Variants in KAZN observed in about 807,000 individuals in gnomAD.
KAZN encodes the protein kazrin, periplakin interacting protein.
KAZN carries 40 observed loss-of-function variants against 87.4 expected under a neutral mutation model. The ratio of observed to expected loss-of-function variants is 0.46; its 90% CI spans 0.36 to 0.60. The LOEUF (loss-of-function observed/expected upper bound fraction) is 0.60, where lower values mean the gene tolerates loss of function less well. Among genes scored for constraint, KAZN ranks in the 20% least tolerant of loss-of-function variants. KAZN has a pLI of 0.00. For missense variants in KAZN, 898 were observed against 1,073.9 expected (o/e 0.84, Z 2.29); for synonymous variants, 466 against 458.3 (o/e 1.02, Z -0.22).
At chr1:14,624,613 A>G (rs1283216092) in intron 1 of KAZN, among the ~76,000 whole-genome samples, 1 of 152,204 alleles carries the variant, frequency 6.6e-6, no homozygotes, top group African/African-American at 2.4e-5. Flanking sequence ...AGGATTTGAC[A>G]AAATCTCCAG....
intron 2 of KAZN, among the ~76,000 whole-genome samples, chr1:14,235,090 C>T (rs1453914976): frequency 6.6e-6 from 1 of 152,196 alleles, no homozygotes; most frequent in Non-Finnish European, 1.5e-5. Flanking sequence ...TGCACAGATG[C>T]TCACAGCAGC....
intron 1 of KAZN, among the ~76,000 whole-genome samples, chr1:14,943,124 T>TTAGAGGCGGCATGCAGAG (rs1289194204): frequency 6.7e-6 from 1 of 150,072 alleles, no homozygotes; most frequent in Non-Finnish European, 1.5e-5. Context: ...TCTGCTCTCC[T>TTAGAGGCGGCATGCAGAG]TAGAGGCGGC....
At chr1:14,010,886 G>T (rs368498674) in intron 1 of KAZN, among the ~76,000 whole-genome samples, 5 of 152,210 alleles carry the variant, frequency 3.3e-5, no homozygotes, top group African/African-American at 1.2e-4. Context: ...ATTCTTAAGA[G>T]TGTAACTCTT....
intron 1 of KAZN, among the ~76,000 whole-genome samples, chr1:14,919,656 CAT>C (rs1270128926): frequency 6.6e-6 from 1 of 152,210 alleles, no homozygotes; most frequent in African/African-American, 2.4e-5. Context: ...GAGATAGTAA[CAT>C]GTTGGCTGGA....
At chr1:14,899,815 A>G (rs1012453192) in intron 1 of KAZN, among the ~76,000 whole-genome samples, 7 of 152,112 alleles carry the variant, frequency 4.6e-5, no homozygotes, top group African/African-American at 1.7e-4. Flanking sequence ...CAACCGTCTT[A>G]AGCACTGTCC....
intron 1 of KAZN, among the ~76,000 whole-genome samples, chr1:14,087,169 T>C (rs1643877183): frequency 6.6e-6 from 1 of 152,170 alleles, no homozygotes; most frequent in Admixed American, 6.5e-5. Flanking sequence ...TTAAGTTTTC[T>C]CAGAAATGTT....
intron 2 of KAZN, among the ~76,000 whole-genome samples, chr1:14,195,001 G>A (rs56380416): frequency 1.3e-3 from 196 of 152,240 alleles, no homozygotes; most frequent in Non-Finnish European, 2.2e-3. Flanking sequence ...TTTCAAGGAG[G>A]CACAATTAAG....
chr1:14,083,550 G>A (rs767308656), intron 1 of KAZN, among the ~76,000 whole-genome samples: 7 of 152,150 alleles, frequency 4.6e-5, no homozygotes, highest in Non-Finnish European at 1.0e-4. Flanking sequence ...CAGAATAAGT[G>A]GTCTATACAT....
intron 2 of KAZN, among the ~76,000 whole-genome samples, chr1:14,506,426 T>C (rs1238599317): frequency 6.6e-6 from 1 of 152,226 alleles, no homozygotes; most frequent in Non-Finnish European, 1.5e-5. Flanking sequence ...CCTTTGTCTC[T>C]CCCACTGGCC....
intron 1 of KAZN, among the ~76,000 whole-genome samples, chr1:14,036,001 G>A (rs746550511): frequency 2.0e-5 from 3 of 152,248 alleles, no homozygotes; most frequent in Non-Finnish European, 2.9e-5. Context: ...GGAAATGAGA[G>A]AGTCTGAAAA....
chr1:14,740,553 A>G (rs1360922466), intron 1 of KAZN, among the ~76,000 whole-genome samples: 1 of 151,806 alleles, frequency 6.6e-6, no homozygotes, highest in Admixed American at 6.6e-5. Flanking sequence ...CGCCCCCCCA[A>G]AAAAATGAAT....
intron 2 of KAZN, among the ~76,000 whole-genome samples, chr1:14,550,708 T>TCTCTCTCC: frequency 1.1e-4 from 1 of 9,156 alleles, no homozygotes. Context: ...CTCTTTTCTC[T>TCTCTCTCC]CTCTCTCTCT....
chr1:14,598,939 C>T lies in KAZN; in HGVS notation c.-59C>T. 1 of 1,555,858 alleles carries T rather than the reference C, an allele frequency of 6.4e-7. No individual in the cohort carries two copies. On this transcript the variant is annotated 5_prime_UTR_variant, in exon 1 of 15. Transcript: ENST00000376030. This position sits in a 1 kb window ranked among gnomAD's most constrained non-coding sequence, Gnocchi z 4.2. The stretch of plus-strand genomic sequence containing the variant: ...GAGCCGGGGGTGCCCGGCCGCGCGC[C>T]CCCCGCGCATCATGCAGCTCTTTGT...
At chr1:14,948,392 G>A (rs1662088089) in intron 1 of KAZN, among the ~76,000 whole-genome samples, 1 of 152,172 alleles carries the variant, frequency 6.6e-6, no homozygotes, top group Non-Finnish European at 1.5e-5. Flanking sequence ...CATCCTCACA[G>A]CCTGAGCCCA....
intron 8 of KAZN, among the ~76,000 whole-genome samples, chr1:15,080,839 C>G (rs1309771155): frequency 6.6e-6 from 1 of 152,192 alleles, no homozygotes; most frequent in Non-Finnish European, 1.5e-5. Context: ...CTCCCTGTGC[C>G]TTAGGGCATG....
chr1:14,420,562 G>C (rs923178332), intron 2 of KAZN, among the ~76,000 whole-genome samples: 1 of 152,166 alleles, frequency 6.6e-6, no homozygotes, highest in Admixed American at 6.5e-5. Context: ...GGGTGCGCTC[G>C]TCGGGGAGGC....
chr1:14,891,046 G>C (rs1481155073), intron 1 of KAZN, among the ~76,000 whole-genome samples: 1 of 151,054 alleles, frequency 6.6e-6, no homozygotes, highest in South Asian at 2.1e-4. Context: ...GAGTTTCACC[G>C]TGTTAGCCAG....
chr1:14,177,213 G>C (rs1311384804), intron 1 of KAZN, among the ~76,000 whole-genome samples: 1 of 151,996 alleles, frequency 6.6e-6, no homozygotes, highest in Admixed American at 6.5e-5. Context: ...TGCTGTTATT[G>C]TCATATATTT....
chr1:14,411,153 C>T (rs1361493409), intron 2 of KAZN, among the ~76,000 whole-genome samples: 2 of 152,188 alleles, frequency 1.3e-5, no homozygotes, highest in Non-Finnish European at 2.9e-5. Context: ...GGAAAAGGTA[C>T]AGAGGGCAAT....
Sources: allele counts gnomAD v4.1 joint callset (sites outside exome capture counted in the v4.1 genomes callset), GRCh38; gene constraint gnomAD v4.1.1; non-coding constraint Gnocchi (gnomAD v3.1); transcripts MANE v1.5; gene names NCBI Gene and HGNC (gene_info 2026-07-23, HGNC 2026-07-21).